Variants in DDX54 observed in about 807,000 individuals in gnomAD.
DDX54 encodes ATP-dependent RNA helicase DDX54.
DDX54 carries 67 observed loss-of-function variants against 105.5 expected under a neutral mutation model. That is an observed-to-expected ratio of 0.64 (90% CI 0.52 to 0.78). The LOEUF (loss-of-function observed/expected upper bound fraction) is 0.78. Among genes scored for constraint, DDX54 ranks in the 30% least tolerant of loss-of-function variants. The pLI is 0.00. For synonymous variants in DDX54, 514 were observed against 509.9 expected (o/e 1.01, Z -0.11); for missense variants, 1,206 against 1,230.5 (o/e 0.98, Z 0.30).
intron 8 of DDX54, 35 bp downstream of exon 8, chr12:113,175,001 C>G: frequency 6.2e-7 from 1 of 1,611,528 alleles, no homozygotes; most frequent in Non-Finnish European, 8.5e-7. Flanking sequence ...CCCAGCCTGA[C>G]CCCCAGCCCC....
chr12:113,166,786 C>T (rs1335911594), intron 12 of DDX54, among the ~76,000 whole-genome samples: 1 of 152,166 alleles, frequency 6.6e-6, no homozygotes, highest in Non-Finnish European at 1.5e-5. Context: ...TCCACAGCAA[C>T]CCTGTTCTAT....
intron 14 of DDX54, among the ~76,000 whole-genome samples, 153 bp from the exon 15 acceptor site, chr12:113,164,438 G>A (rs1327886106): frequency 6.6e-6 from 1 of 152,234 alleles, no homozygotes; most frequent in Non-Finnish European, 1.5e-5. Flanking sequence ...CCCAGACCAG[G>A]CGCAGTGGCT....
At chr12:113,177,654 T>A (rs1327041051) in intron 5 of DDX54, among the ~76,000 whole-genome samples, 1 of 152,084 alleles carries the variant, frequency 6.6e-6, no homozygotes, top group East Asian at 1.9e-4. Flanking sequence ...TCTCCGAGAA[T>A]CAAGAGTGTT....
At position 113,157,261 on chromosome 12, in the gene DDX54, A is replaced by G. The variant is rs1592993113; in HGVS notation, c.*1616T>C. The G allele has an allele frequency of 3.5e-6, 1 of 287,218 alleles. No individual in the cohort carries two copies. Among genetic ancestry groups the G allele is most frequent in the Non-Finnish European group, 6.5e-6 (1 of 152,784 alleles). The allele number at this position is 287,218 out of a possible 1,614,324, so 17.8% of individuals were successfully genotyped here. A position where few individuals can be genotyped will look rare whatever the true frequency, so the allele number is the denominator to read the frequency against. ...AAAAGGAGAGCCACCCACGGAGATA[A>G]GAGTAGGTCACAAACCAATGAATAT... On this transcript the variant is annotated 3_prime_UTR_variant, in exon 20 of 20. Coordinates refer to ENST00000306014, the MANE Select transcript of DDX54 (RefSeq NM_024072.4).
Position 113,157,258 on chromosome 12 carries a change from A to G in DDX54, c.*1619T>C. On this transcript the variant is annotated 3_prime_UTR_variant, in exon 20 of 20. Transcript: ENST00000306014. ...AACAAAAGGAGAGCCACCCACGGAG[A>G]TAAGAGTAGGTCACAAACCAATGAA... is the stretch of plus-strand genomic sequence containing the variant. 1 of 282,850 alleles carries G rather than the reference A, an allele frequency of 3.5e-6. No homozygotes were observed. The allele number at this position is 282,850 out of a possible 1,614,324, so 17.5% of individuals were successfully genotyped here.
intron 11 of DDX54, among the ~76,000 whole-genome samples, chr12:113,172,129 T>C (rs1026094621): frequency 5.3e-5 from 8 of 152,142 alleles, no homozygotes; most frequent in Non-Finnish European, 1.2e-4. Context: ...GTTGTTTTTT[T>C]TTTTTGGTTT....
chr12:113,159,386 A>C, intron 19 of DDX54: 1 of 470,256 alleles, frequency 2.1e-6, no homozygotes, highest in South Asian at 4.4e-5. Context: ...TTCCCCATCT[A>C]TGAATTATAA....
intron 17 of DDX54, chr12:113,162,715 A>T: frequency 2.0e-6 from 1 of 507,964 alleles, no homozygotes; most frequent in Non-Finnish European, 3.4e-6. Flanking sequence ...CACTCACCCC[A>T]GGCATGGAGG....
chr12:113,161,785 G>GCC, intron 18 of DDX54, 108 bp downstream of exon 18: 3 of 117,046 alleles, frequency 2.6e-5, no homozygotes, highest in Non-Finnish European at 4.9e-5. Flanking sequence ...GCTCAGCCCC[G>GCC]CCCCCTCCTC....
At chr12:113,174,339 T>C (rs1952372300) in intron 10 of DDX54, among the ~76,000 whole-genome samples, 1 of 151,420 alleles carries the variant, frequency 6.6e-6, no homozygotes, top group Non-Finnish European at 1.5e-5. Flanking sequence ...AGTAACAAGT[T>C]AGTTGGGCAT....
At chr12:113,178,250 A>AAAAAAC (rs1378659377) in intron 5 of DDX54, among the ~76,000 whole-genome samples, 1 of 152,212 alleles carries the variant, frequency 6.6e-6, no homozygotes, top group South Asian at 2.1e-4. Context: ...ATAAACAAAC[A>AAAAAAC]AAAAACAAAA....
chr12:113,170,731 C>A (rs901324358), intron 11 of DDX54, among the ~76,000 whole-genome samples: 5 of 152,112 alleles, frequency 3.3e-5, no homozygotes, highest in Admixed American at 3.3e-4. Context: ...AGCAGTCACA[C>A]GACAGCAGCA....
Position 113,162,996 on chromosome 12 carries a change from C to T in DDX54, c.2131G>A (p.Ala711Thr), listed in dbSNP as rs61740930. Residue 711 changes from alanine to threonine, a missense_variant, in exon 17 of 20, where the codon GCT (alanine) becomes ACT (threonine). Transcript: ENST00000306014. ...TCATCCCCCATCAAGTCCAGGACAG[C>T]GCCAGCTGCCTGCTGCTCAAAGGCT... is the stretch of plus-strand genomic sequence containing the variant. ...GGAFEQQAAG[A>T]VLDLMGDEAQ... The T allele has an allele frequency of 1.1e-5, 18 of 1,609,128 alleles. No individual in the cohort carries two copies. Among genetic ancestry groups the T allele is most frequent in the African/African-American group, 6.7e-5 (5 of 74,932 alleles).
chr12:113,168,033 C>T, intron 12 of DDX54: 1 of 454,400 alleles, frequency 2.2e-6, no homozygotes, highest in South Asian at 1.6e-5. Context: ...TCCAATTCAC[C>T]CCTGCGTGGC....
rs796977727 is a variant in DDX54 at position 113,185,380 on chromosome 12, T to G, written c.72A>C (p.Lys24Asn). The change falls in exon 1 of 20, where the codon AAA becomes AAC. Residue 24 changes from lysine to asparagine, a missense_variant. Transcript: ENST00000306014. ...RAAMAQWRKK[K>N]GLRKRRGAAS... ...CCGCGCCTCGGCGCTTCCGGAGCCCTTTCTTCTTCCTCCACTGGGCCATGG... is the reference window on the plus strand; with the variant it reads ...CCGCGCCTCGGCGCTTCCGGAGCCCGTTCTTCTTCCTCCACTGGGCCATGG... 6.4e-7 allele frequency: 1 copy of G among 1,567,692 alleles called. No homozygotes were observed. The highest frequency in any genetic ancestry group is 1.2e-5 in the South Asian group (1 of 85,420).
chr12:113,179,928 C>A lies in DDX54; in HGVS notation c.375+7G>T. On this transcript the variant is annotated splice_region_variant and intron_variant, in intron 3 of 19. Transcript: ENST00000306014. ...CGCCCTCACCCGTCGACCGCCCCAC[C>A]CCTCACCTTCCTCTGGATGGGTGTT... The A allele has an allele frequency of 6.2e-7, 1 of 1,614,116 alleles. No individual in the cohort carries two copies. Among genetic ancestry groups the A allele is most frequent in the Non-Finnish European group, 8.5e-7 (1 of 1,180,010 alleles).
chr12:113,167,089 A>G (rs976513598), intron 12 of DDX54, among the ~76,000 whole-genome samples: 2 of 152,168 alleles, frequency 1.3e-5, no homozygotes, highest in East Asian at 3.9e-4. Context: ...AAATATATAC[A>G]ACAGTAAGCC....
At position 113,157,705 on chromosome 12, in the gene DDX54, AG is replaced by A; in HGVS notation, c.*1171del. On this transcript the variant is annotated 3_prime_UTR_variant, in exon 20 of 20. Transcript: ENST00000306014. ...CCCTGACACAGGTGAGCAGCGGGAG[AG>A]GGAACCCCTGAGAGACCCTGAGATA... 6.5e-7 allele frequency: 1 copy of A among 1,542,106 alleles called. No homozygotes were observed. Among genetic ancestry groups the A allele is most frequent in the Non-Finnish European group, 8.8e-7 (1 of 1,138,966 alleles).
chr12:113,169,235 C>T (rs1952307375), intron 12 of DDX54, among the ~76,000 whole-genome samples: 2 of 151,062 alleles, frequency 1.3e-5, no homozygotes, highest in African/African-American at 4.9e-5. Context: ...GGCATAGTGG[C>T]TTGCTTGAGC....
Sources: gnomAD v4.1 joint callset for allele counts (sites outside exome capture counted in the v4.1 genomes callset) on GRCh38, gnomAD v4.1.1 for gene constraint, MANE v1.5 for transcripts, NCBI Gene and HGNC (gene_info 2026-07-23, HGNC 2026-07-21) for gene names.